Variants in PLCB1 observed in about 807,000 individuals in gnomAD.
PLCB1 encodes phospholipase C beta 1.
Under a neutral mutation model 161.8 loss-of-function variants are expected in PLCB1, and 46 were observed. The ratio of observed to expected loss-of-function variants is 0.28; its 90% CI spans 0.22 to 0.36. PLCB1 has a LOEUF of 0.36. PLCB1 is among the 10% of genes least tolerant of loss of function. The probability of loss-of-function intolerance (pLI) is 1.00; values close to 1 mark genes in which losing one functional copy is unlikely to be tolerated. For missense variants in PLCB1, 1,016 were observed against 1,472.5 expected (o/e 0.69, Z 5.07); for synonymous variants, 517 against 503.7 (o/e 1.03, Z -0.35).
At chr20:8,243,393 T>C (rs1980716057) in intron 2 of PLCB1, among the ~76,000 whole-genome samples, 1 of 152,008 alleles carries the variant, frequency 6.6e-6, no homozygotes, top group African/African-American at 2.4e-5. Context: ...CATTCTGTAA[T>C]GCAGGCAACA....
At chr20:8,632,604 G>A (rs1257050647) in intron 4 of PLCB1, among the ~76,000 whole-genome samples, 1 of 152,168 alleles carries the variant, frequency 6.6e-6, no homozygotes, top group Non-Finnish European at 1.5e-5. Flanking sequence ...AGGGTGGTCA[G>A]TGTAGCCATC....
At chr20:8,456,599 T>C (rs1046355874) in intron 3 of PLCB1, among the ~76,000 whole-genome samples, 8 of 152,162 alleles carry the variant, frequency 5.3e-5, no homozygotes, top group Admixed American at 2.0e-4. Flanking sequence ...GTACAGAATA[T>C]AGATTTAGCA....
chr20:8,613,973 C>T (rs1446649409), intron 3 of PLCB1, among the ~76,000 whole-genome samples: 2 of 151,856 alleles, frequency 1.3e-5, no homozygotes, highest in African/African-American at 4.8e-5. Flanking sequence ...GGCAAAGGGT[C>T]AATAAACACT....
intron 2 of PLCB1, among the ~76,000 whole-genome samples, chr20:8,185,317 G>C (rs2423350): frequency 2.0e-5 from 3 of 152,140 alleles, no homozygotes; most frequent in Non-Finnish European, 4.4e-5. Flanking sequence ...CAGCTGAGCT[G>C]CTTATAACAT....
At chr20:8,205,734 A>T (rs908946285) in intron 2 of PLCB1, among the ~76,000 whole-genome samples, 2 of 152,176 alleles carry the variant, frequency 1.3e-5, no homozygotes, top group Admixed American at 1.3e-4. Context: ...TTAGAGATAC[A>T]TTCTGAATTA....
chr20:8,771,039 C>T (rs1386343976), intron 26 of PLCB1, among the ~76,000 whole-genome samples: 1 of 152,102 alleles, frequency 6.6e-6, no homozygotes, highest in African/African-American at 2.4e-5. Flanking sequence ...AACACACATG[C>T]GTAGACTAAG....
intron 2 of PLCB1, among the ~76,000 whole-genome samples, chr20:8,335,912 A>G (rs578103917): frequency 6.6e-6 from 1 of 152,314 alleles, no homozygotes; most frequent in Admixed American, 6.5e-5. Context: ...GACTGCCTAC[A>G]ATAACGCTGG....
chr20:8,450,701 A>G lies in PLCB1; in HGVS notation c.246+79251A>G, dbSNP rs114970574. ...GGACTCTGTACTTAGCGAGGCATCT[A>G]TCGGTGATTGTATACTTTGTAGATT... On this transcript the variant is annotated intron_variant, in intron 3 of 31. Transcript: ENST00000338037. 1.2e-3 allele frequency among the ~76,000 whole-genome samples: 182 copies of G among 152,310 alleles called. 1 individual carries two copies. Among genetic ancestry groups the G allele is most frequent in the African/African-American group, 4.2e-3 (175 of 41,564 alleles).
intron 4 of PLCB1, among the ~76,000 whole-genome samples, chr20:8,640,740 G>C (rs1988925911): frequency 6.6e-6 from 1 of 152,202 alleles, no homozygotes; most frequent in Non-Finnish European, 1.5e-5. Flanking sequence ...CCCAGTGGAT[G>C]CTAAGAATAC....
intron 27 of PLCB1, among the ~76,000 whole-genome samples, chr20:8,786,632 A>G (rs1428655839): frequency 6.6e-6 from 1 of 152,122 alleles, no homozygotes; most frequent in Non-Finnish European, 1.5e-5. Flanking sequence ...AACAAAAATA[A>G]TAACACCAAC....
chr20:8,543,666 G>T (rs1217047549), intron 3 of PLCB1, among the ~76,000 whole-genome samples: 1 of 135,182 alleles, frequency 7.4e-6, no homozygotes, highest in South Asian at 2.2e-4. Flanking sequence ...CGGTTTGGCT[G>T]TGCCGTCACC....
intron 2 of PLCB1, among the ~76,000 whole-genome samples, chr20:8,229,796 G>A (rs11698587): frequency 0.017 from 2,545 of 150,996 alleles, 43 homozygotes; most frequent in South Asian, 0.04. Flanking sequence ...CAAGGCGGGG[G>A]TGGGTCGCTT....
At position 8,884,209 on chromosome 20, in the gene PLCB1, C is replaced by G. The variant is rs1465207904; in HGVS notation, c.*2360C>G. On this transcript the variant is annotated 3_prime_UTR_variant, in exon 32 of 32. Coordinates refer to ENST00000338037, the MANE Select transcript of PLCB1 (RefSeq NM_015192.4). ...TGGGGTAGTGTGTAACACTGTCCAT[C>G]TTGCATCATTGAAACTACTACAATG... The G allele has an allele frequency of 6.6e-6, 1 of 152,538 alleles. No homozygotes were observed. The highest frequency in any genetic ancestry group is 1.9e-4 in the East Asian group (1 of 5,196). 9.4% of individuals were successfully genotyped at this position (152,538 alleles called of 1,614,324 possible). A position where few individuals can be genotyped will look rare whatever the true frequency, so the allele number is the denominator to read the frequency against.
Position 8,452,006 on chromosome 20 carries a change from G to A in PLCB1, c.246+80556G>A, listed in dbSNP as rs116375567. Among the ~76,000 whole-genome samples, 914 of 152,134 alleles carry A rather than the reference G, an allele frequency of 6.0e-3. 9 individuals are homozygous for A. Among genetic ancestry groups the A allele is most frequent in the African/African-American group, 0.021 (854 of 41,474 alleles). ...GCACAGTTGTCTGTAACCCAGTTAG[G>A]GAATTCTTTCCTATTTTTAAAATGA... is the stretch of plus-strand genomic sequence containing the variant. On this transcript the variant is annotated intron_variant, in intron 3 of 31. Coordinates refer to ENST00000338037, the MANE Select transcript of PLCB1 (RefSeq NM_015192.4).
rs6055999 is a variant in PLCB1 at position 8,683,578 on chromosome 20, T to A, written c.863-1354T>A. On this transcript the variant is annotated intron_variant, in intron 9 of 31. Transcript: ENST00000338037. The stretch of plus-strand genomic sequence containing the variant: ...ACAAAAAATTGTCTCAATACGTGTA[T>A]CAAAACATCCAGTTGTACACCTTAA... Among the ~76,000 whole-genome samples the A allele has an allele frequency of 6.1e-3, 923 of 152,252 alleles. 10 individuals carry two copies. Among genetic ancestry groups the A allele is most frequent in the African/African-American group, 0.022 (897 of 41,552 alleles).
intron 27 of PLCB1, among the ~76,000 whole-genome samples, chr20:8,776,322 TTGGGA>T (rs1982942122): frequency 2.0e-5 from 3 of 152,196 alleles, no homozygotes. Context: ...GGTGGTACAT[TTGGGA>T]TTTGAACCTT....
At chr20:8,373,086 C>T (rs34594795) in intron 3 of PLCB1, among the ~76,000 whole-genome samples, 27,092 of 152,152 alleles carry the variant, frequency 0.18, 3,091 homozygotes, top group Non-Finnish European at 0.25. Context: ...AGGGCCTGTA[C>T]TGTGCTCAGC....
chr20:8,818,446 G>A (rs1985178068), intron 31 of PLCB1, among the ~76,000 whole-genome samples: 1 of 152,036 alleles, frequency 6.6e-6, no homozygotes, highest in Non-Finnish European at 1.5e-5. Context: ...GTTCAATGCA[G>A]TAAGACAAGA....
intron 31 of PLCB1, among the ~76,000 whole-genome samples, chr20:8,850,106 G>A (rs1986837895): frequency 6.6e-6 from 1 of 152,184 alleles, no homozygotes; most frequent in African/African-American, 2.4e-5. Flanking sequence ...AAGTGTAAAT[G>A]TGCACAGATT....
Sources: gnomAD v4.1 joint callset for allele counts (sites outside exome capture counted in the v4.1 genomes callset) on GRCh38, gnomAD v4.1.1 for gene constraint, MANE v1.5 for transcripts, NCBI Gene and HGNC (gene_info 2026-07-23, HGNC 2026-07-21) for gene names.